KLRD1: variants seen among roughly 807,000 people sequenced by gnomAD.
KLRD1 encodes killer cell lectin like receptor D1.
KLRD1 carries 21 observed loss-of-function variants against 22.6 expected under a neutral mutation model. That is an observed-to-expected ratio of 0.93 (90% CI 0.66 to 1.34). KLRD1 has a LOEUF of 1.34. Among genes scored for constraint, KLRD1 ranks in the 40% most tolerant of loss-of-function variants. KLRD1 has a pLI of 0.00. For synonymous variants in KLRD1, 59 were observed against 71.1 expected (o/e 0.83, Z 0.85); for missense variants, 183 against 208.6 (o/e 0.88, Z 0.76).
intron 1 of KLRD1, among the ~76,000 whole-genome samples, chr12:10,266,452 T>C (rs1415108651): frequency 6.6e-6 from 1 of 152,106 alleles, no homozygotes; most frequent in African/African-American, 2.4e-5. Context: ...GGCTCATCTT[T>C]TAAAAAAATT....
intron 1 of KLRD1, among the ~76,000 whole-genome samples, chr12:10,243,636 G>GAAAAAAAAAAAAAAA (rs1949263487): frequency 1.6e-5 from 2 of 124,386 alleles, no homozygotes; most frequent in Non-Finnish European, 3.3e-5. Flanking sequence ...AAAAAAAACC[G>GAAAAAAAAAAAAAAA]AAATGAAAGA....
At chr12:10,314,541 C>A in intron 5 of KLRD1, 132 bp from the exon 6 acceptor site, 1 of 676,434 alleles carries the variant, frequency 1.5e-6, no homozygotes, top group Non-Finnish European at 2.2e-6. Flanking sequence ...ATTGTGGTTA[C>A]TGAAAAAAAA....
chr12:10,320,331 GA>G lies in KLRD1; in HGVS notation c.*5541del, dbSNP rs1950300958. 6.6e-6 allele frequency: 1 copy of G among 151,518 alleles called. No individual in the cohort carries two copies. 9.4% of individuals were successfully genotyped at this position (151,518 alleles called of 1,614,324 possible). A position where few individuals can be genotyped will look rare whatever the true frequency, so the allele number is the denominator to read the frequency against. On this transcript the variant is annotated 3_prime_UTR_variant, in exon 6 of 6. Transcript: ENST00000336164. ...CAGTGGATGGAGGCCAAAAGGACAG[GA>G]AAGACTGAAACCTTCTAGTATGGGC...
At chr12:10,283,746 C>T (rs1949669474) in intron 1 of KLRD1, among the ~76,000 whole-genome samples, 1 of 151,744 alleles carries the variant, frequency 6.6e-6, no homozygotes, top group South Asian at 2.1e-4. Context: ...GGAATCAGCA[C>T]CCCAAGAAAC....
At chr12:10,270,407 A>G (rs1403279826) in intron 1 of KLRD1, among the ~76,000 whole-genome samples, 1 of 152,204 alleles carries the variant, frequency 6.6e-6, no homozygotes, top group East Asian at 1.9e-4. Flanking sequence ...TAAATAAAGG[A>G]AGGCAAATAT....
At chr12:10,254,431 CAAAAAA>C (rs71300165) in intron 1 of KLRD1, among the ~76,000 whole-genome samples, 178 of 86,950 alleles carry the variant, frequency 2.0e-3, no homozygotes, top group Non-Finnish European at 2.8e-3. Context: ...CACTCCGTCT[CAAAAAA>C]AAAAAAAAAA....
intron 1 of KLRD1, among the ~76,000 whole-genome samples, chr12:10,255,107 G>GCT (rs1199651559): frequency 2.3e-5 from 3 of 132,316 alleles, no homozygotes; most frequent in Non-Finnish European, 1.7e-5. Context: ...ATGCTGGTGA[G>GCT]GATGCAGAGA....
chr12:10,300,717 T>G (rs1419667989), upstream of KLRD1, among the ~76,000 whole-genome samples: 2 of 152,242 alleles, frequency 1.3e-5, no homozygotes, highest in Non-Finnish European at 2.9e-5. Context: ...GCTATGAAAA[T>G]TCTAGATGGC....
rs1950245225 is a variant in KLRD1, at chr12:10,316,968, G to A, written c.*2175G>A. On this transcript the variant is annotated 3_prime_UTR_variant, in exon 6 of 6. Transcript: ENST00000336164. ...CCCCCGACAGGCCTTGGTCTGTGAT[G>A]TTCACCTCCCTGTGTCCATGTGTTC... 1 of 148,580 alleles carries A rather than the reference G, an allele frequency of 6.7e-6. No individual in the cohort carries two copies. Among genetic ancestry groups the A allele is most frequent in the African/African-American group, 2.5e-5 (1 of 40,068 alleles). 9.2% of individuals were successfully genotyped at this position (148,580 alleles called of 1,614,324 possible). A position where few individuals can be genotyped will look rare whatever the true frequency, so the allele number is the denominator to read the frequency against.
intron 1 of KLRD1, among the ~76,000 whole-genome samples, chr12:10,248,530 T>TTTCCGTCCTTCCTTCC (rs1949313785): frequency 1.0e-5 from 1 of 96,586 alleles, no homozygotes; most frequent in Non-Finnish European, 2.1e-5. Context: ...TGTATTTTCT[T>TTTCCGTCCTTCCTTCC]TTCCTTCCTT....
At position 10,326,795 on chromosome 12, in the gene KLRD1, T is replaced by A. The variant is rs1465423597; in HGVS notation, c.*12002T>A. 6.6e-6 allele frequency: 1 copy of A among 152,214 alleles called. No homozygotes were observed. Among genetic ancestry groups the A allele is most frequent in the Non-Finnish European group, 1.5e-5 (1 of 68,038 alleles). The allele number at this position is 152,214 out of a possible 1,614,324, so 9.4% of individuals were successfully genotyped here. A position where few individuals can be genotyped will look rare whatever the true frequency, so the allele number is the denominator to read the frequency against. On this transcript the variant is annotated 3_prime_UTR_variant, in exon 6 of 6. Transcript: ENST00000336164. ...AGCAAAGAGATGACTTTGAATAGAA[T>A]GGGAGGCAGTTTTGCCCTAAGCAGT...
At chr12:10,311,327 G>T in intron 3 of KLRD1, 137 bp from the exon 4 acceptor site, 1 of 600,594 alleles carries the variant, frequency 1.7e-6, no homozygotes, top group Non-Finnish European at 2.8e-6. Context: ...CACATTAGTA[G>T]CCCCTGAAGT....
intron 1 of KLRD1, among the ~76,000 whole-genome samples, chr12:10,269,008 T>A (rs1406006797): frequency 6.6e-6 from 1 of 152,204 alleles, no homozygotes; most frequent in East Asian, 1.9e-4. Flanking sequence ...TCCTAAAATA[T>A]TTTCCTGTAT....
At chr12:10,251,005 C>T (rs768671110) in intron 1 of KLRD1, among the ~76,000 whole-genome samples, 3 of 152,090 alleles carry the variant, frequency 2.0e-5, no homozygotes, top group Admixed American at 6.6e-5. Context: ...ATTTTGTAAT[C>T]GGGATTTCTG....
At chr12:10,306,235 A>G (rs1013840875), upstream of KLRD1, among the ~76,000 whole-genome samples, 1 of 151,954 alleles carries the variant, frequency 6.6e-6, no homozygotes, top group Non-Finnish European at 1.5e-5. Flanking sequence ...TTAAAGAGGT[A>G]TATACATATA....
intron 1 of KLRD1, among the ~76,000 whole-genome samples, chr12:10,246,928 CTTTTCTT>C (rs1949297410): frequency 2.3e-5 from 3 of 129,680 alleles, no homozygotes; most frequent in Non-Finnish European, 4.8e-5. Flanking sequence ...CTTTTCTTTT[CTTTTCTT>C]TTTTTTTTTT....
intron 1 of KLRD1, among the ~76,000 whole-genome samples, chr12:10,278,623 G>GT (rs1209369273): frequency 1.3e-5 from 2 of 152,152 alleles, no homozygotes; most frequent in Non-Finnish European, 2.9e-5. Context: ...TATAAGCTGT[G>GT]TTTAATGGTA....
chr12:10,256,382 T>C (rs1024907039), intron 1 of KLRD1, among the ~76,000 whole-genome samples: 1 of 151,238 alleles, frequency 6.6e-6, no homozygotes, highest in Non-Finnish European at 1.5e-5. Flanking sequence ...ATAGTTATTT[T>C]CCCACTCATT....
chr12:10,245,789 C>T (rs1472591956), intron 1 of KLRD1, among the ~76,000 whole-genome samples: 2 of 152,220 alleles, frequency 1.3e-5, no homozygotes. Context: ...TAGTTTCTCT[C>T]TTTTCATGTT....
Sources: allele counts gnomAD v4.1 joint callset (sites outside exome capture counted in the v4.1 genomes callset), GRCh38; gene constraint gnomAD v4.1.1; transcripts MANE v1.5; gene names NCBI Gene and HGNC (gene_info 2026-07-23, HGNC 2026-07-21).